MAGI1: variants seen among roughly 807,000 people sequenced by gnomAD.
MAGI1 encodes the protein membrane associated guanylate kinase, WW and PDZ domain containing 1, also known as membrane-associated guanylate kinase, WW and PDZ domain-containing protein 1.
Under a neutral mutation model 139.9 loss-of-function variants are expected in MAGI1, and 58 were observed. The ratio of observed to expected loss-of-function variants is 0.41; its 90% CI spans 0.34 to 0.52. The LOEUF (loss-of-function observed/expected upper bound fraction) is 0.52, where lower values mean the gene tolerates loss of function less well. MAGI1 is among the 20% of genes least tolerant of loss of function. The pLI is 0.12. For synonymous variants in MAGI1, 812 were observed against 737.9 expected, an observed-to-expected ratio of 1.10 and a Z score of -1.63; for missense variants, 1,874 against 1,901.6, an observed-to-expected ratio of 0.99 and a Z score of 0.27.
chr3:65,790,773 T>A (rs1234278307), intron 1 of MAGI1, among the ~76,000 whole-genome samples: 1 of 152,222 alleles, frequency 6.6e-6, no homozygotes, highest in Non-Finnish European at 1.5e-5. Context: ...TGTACAAGGC[T>A]GGTACAACGA....
chr3:65,602,086 T>C (rs1359128805), intron 2 of MAGI1, among the ~76,000 whole-genome samples: 1 of 152,082 alleles, frequency 6.6e-6, no homozygotes, highest in Non-Finnish European at 1.5e-5. Flanking sequence ...TAAGTAACGA[T>C]GTTGATAATT....
At chr3:65,919,360 T>G (rs1251693488) in intron 1 of MAGI1, among the ~76,000 whole-genome samples, 1 of 152,094 alleles carries the variant, frequency 6.6e-6, no homozygotes, top group Non-Finnish European at 1.5e-5. Context: ...CCCAGGAGTT[T>G]GAGACCAGCC....
chr3:65,576,196 TTC>T (rs557388384), intron 2 of MAGI1, among the ~76,000 whole-genome samples: 1 of 152,350 alleles, frequency 6.6e-6, no homozygotes, highest in South Asian at 2.1e-4. Context: ...TTTAGCGGTT[TTC>T]TGTTTGCTTC....
intron 6 of MAGI1, among the ~76,000 whole-genome samples, chr3:65,451,929 T>C (rs1390324449): frequency 6.6e-6 from 1 of 152,204 alleles, no homozygotes; most frequent in Non-Finnish European, 1.5e-5. Flanking sequence ...ATTACAGGTA[T>C]GAGCCACACC....
chr3:65,766,618 G>A (rs143614442), intron 1 of MAGI1, among the ~76,000 whole-genome samples: 6 of 152,038 alleles, frequency 3.9e-5, no homozygotes, highest in Admixed American at 6.5e-5. Context: ...GGCTGGGTGC[G>A]GTGGCTCACG....
intron 14 of MAGI1, among the ~76,000 whole-genome samples, chr3:65,389,721 G>C (rs1179053848): frequency 6.6e-6 from 1 of 152,182 alleles, no homozygotes; most frequent in African/African-American, 2.4e-5. Flanking sequence ...TCAGGCCTCA[G>C]GGGTACTTTA....
At chr3:65,752,228 A>C (rs897455819) in intron 1 of MAGI1, among the ~76,000 whole-genome samples, 3 of 152,166 alleles carry the variant, frequency 2.0e-5, no homozygotes, top group Non-Finnish European at 4.4e-5. Context: ...GGATTACAAG[A>C]GTGACCCACT....
chr3:66,033,081 T>C (rs2068727394), intron 1 of MAGI1, among the ~76,000 whole-genome samples: 1 of 151,594 alleles, frequency 6.6e-6, no homozygotes, highest in Non-Finnish European at 1.5e-5. Flanking sequence ...CAGGCTGGAG[T>C]GCAGTGGTAC....
At chr3:65,875,854 ACCG>A (rs2060096392) in intron 1 of MAGI1, among the ~76,000 whole-genome samples, 1 of 152,162 alleles carries the variant, frequency 6.6e-6, no homozygotes, top group Non-Finnish European at 1.5e-5. Context: ...CCTCCCTGAG[ACCG>A]CTGTTATCCT....
intron 1 of MAGI1, among the ~76,000 whole-genome samples, chr3:65,941,751 C>T (rs1306607639): frequency 4.6e-5 from 7 of 152,160 alleles, no homozygotes; most frequent in Admixed American, 4.6e-4. Context: ...TTCCCAATGG[C>T]TTTCAGGCAT....
rs111941000 is a variant in MAGI1, at chr3:65,816,056, T to C, written c.314-193968A>G. 9.2e-3 allele frequency among the ~76,000 whole-genome samples: 1,407 copies of C among 152,270 alleles called. 16 individuals carry two copies. Among genetic ancestry groups the C allele is most frequent in the Non-Finnish European group, 0.012 (850 of 68,016 alleles). ...GGTAGTTGTGAAAGTTGGCAGCTGA[T>C]TGGAATCACTGAGGGCATTTTTTCA... On this transcript the variant is annotated intron_variant, in intron 1 of 22. Transcript: ENST00000402939.
At chr3:65,466,602 T>G (rs1950190276) in intron 5 of MAGI1, among the ~76,000 whole-genome samples, 1 of 152,040 alleles carries the variant, frequency 6.6e-6, no homozygotes, top group African/African-American at 2.4e-5. Context: ...AGGGAGAGGG[T>G]GGGCTCTTCA....
chr3:65,530,032 G>C (rs971594525), intron 2 of MAGI1, among the ~76,000 whole-genome samples: 1 of 152,016 alleles, frequency 6.6e-6, no homozygotes, highest in Non-Finnish European at 1.5e-5. Flanking sequence ...ATATGTGTGA[G>C]AGTGCCTAGC....
At chr3:65,698,214 G>T (rs200428204) in intron 1 of MAGI1, among the ~76,000 whole-genome samples, 7 of 126,330 alleles carry the variant, frequency 5.5e-5, no homozygotes, top group Admixed American at 1.5e-4. Flanking sequence ...TGCTGCTCAA[G>T]GAAATAAAAG....
At chr3:65,508,393 G>C (rs1037674266) in intron 2 of MAGI1, among the ~76,000 whole-genome samples, 16 of 151,672 alleles carry the variant, frequency 1.1e-4, no homozygotes, top group African/African-American at 4.8e-5. Context: ...GACAGAGTGA[G>C]ACTCTGTCTC....
At chr3:65,477,714 T>TTATTTTTA (rs745836102) in intron 4 of MAGI1, among the ~76,000 whole-genome samples, 2 of 107,340 alleles carry the variant, frequency 1.9e-5, no homozygotes, top group African/African-American at 7.3e-5. Flanking sequence ...TATTATTATT[T>TTATTTTTA]TTTTTTTTTT....
intron 1 of MAGI1, among the ~76,000 whole-genome samples, chr3:65,644,276 A>C (rs941344498): frequency 3.9e-5 from 6 of 152,176 alleles, no homozygotes; most frequent in African/African-American, 1.4e-4. Flanking sequence ...AATAAAAAAA[A>C]CTCAACCTGA....
chr3:65,843,564 C>T lies in MAGI1; in HGVS notation c.313+194432G>A, dbSNP rs544938740. 7.9e-4 allele frequency among the ~76,000 whole-genome samples: 120 copies of T among 152,290 alleles called. 1 individual carries two copies. In the South Asian group the frequency reaches 0.024, roughly 31 times the overall value. On this transcript the variant is annotated intron_variant, in intron 1 of 22. Transcript: ENST00000402939. ...ACTAATGTACCTTCCCAGCTACAGA[C>T]TTCCACAGCCAAGATTAAGACTTAT...
intron 1 of MAGI1, among the ~76,000 whole-genome samples, chr3:66,002,441 G>C (rs2066793559): frequency 6.6e-6 from 1 of 152,008 alleles, no homozygotes; most frequent in Non-Finnish European, 1.5e-5. Flanking sequence ...GGGGGGTGGT[G>C]GTGAAGATCT....
Sources: allele counts gnomAD v4.1 joint callset (sites outside exome capture counted in the v4.1 genomes callset), GRCh38; gene constraint gnomAD v4.1.1; transcripts MANE v1.5; gene names NCBI Gene and HGNC (gene_info 2026-07-23, HGNC 2026-07-21).